UBR2: variants seen among roughly 807,000 people sequenced by gnomAD.
UBR2 encodes ubiquitin protein ligase E3 component n-recognin 2.
Under a neutral mutation model 247.9 loss-of-function variants are expected in UBR2, and 92 were observed. The observed-to-expected ratio is 0.37, with a 90% CI of 0.31 to 0.44. The LOEUF is 0.44. UBR2 is among the 20% of genes least tolerant of loss of function. UBR2 has a pLI of 1.00. For synonymous variants in UBR2, 672 were observed against 693.5 expected, an observed-to-expected ratio of 0.97 and a Z score of 0.49; for missense variants, 1,613 against 2,112.6, an observed-to-expected ratio of 0.76 and a Z score of 4.64.
At chr6:42,602,741 T>C (rs1383966685) in intron 4 of UBR2, among the ~76,000 whole-genome samples, 1 of 143,076 alleles carries the variant, frequency 7.0e-6, no homozygotes, top group African/African-American at 2.6e-5. Context: ...GCACTATGTT[T>C]TATTTTTATG....
chr6:42,582,200 G>A (rs921655481), intron 2 of UBR2, among the ~76,000 whole-genome samples: 6 of 149,670 alleles, frequency 4.0e-5, no homozygotes, highest in East Asian at 3.9e-4. Flanking sequence ...GGAGAATGAC[G>A]TGAACCCGGG....
intron 42 of UBR2, 21 bp from the exon 43 acceptor site, chr6:42,683,034 C>T (rs6906859): frequency 0.12 from 184,201 of 1,491,242 alleles, 12,242 homozygotes; most frequent in African/African-American, 0.29. Context: ...TTGTGTTTTT[C>T]CCCCTCTGTT....
In UBR2 at chr6:42,564,496, T is replaced by A. The variant is rs1456136115; in HGVS notation, c.78+99T>A. ...CGTCCTGGAGCAGCCCGACCCAGAC[T>A]TGGGGAAACAGCTGTGCCGGCCCTC... On this transcript the variant is annotated intron_variant, in intron 1 of 46. Transcript: ENST00000372901. The A allele has an allele frequency of 2.9e-6, 4 of 1,364,892 alleles. No homozygotes were observed. The African/African-American group carries it at 5.8e-5, about 20-fold the overall frequency. 84.5% of individuals were successfully genotyped at this position (1,364,892 alleles called of 1,614,324 possible). A position where few individuals can be genotyped will look rare whatever the true frequency, so the allele number is the denominator to read the frequency against.
chr6:42,663,745 G>A (rs1379251651), intron 32 of UBR2, among the ~76,000 whole-genome samples: 1 of 152,132 alleles, frequency 6.6e-6, no homozygotes, highest in Non-Finnish European at 1.5e-5. Flanking sequence ...GAGGGAGATG[G>A]AACAACTCAA....
At chr6:42,634,096 A>G (rs867865691) in intron 13 of UBR2, among the ~76,000 whole-genome samples, 47 of 152,140 alleles carry the variant, frequency 3.1e-4, no homozygotes, top group African/African-American at 7.0e-4. Flanking sequence ...TTTTTTTAAT[A>G]TGCTTTCTTG....
intron 40 of UBR2, 108 bp downstream of exon 40, chr6:42,676,981 T>C (rs1798755692): frequency 1.1e-6 from 1 of 913,636 alleles, no homozygotes; most frequent in Non-Finnish European, 1.7e-6. Context: ...TCTGTTGACA[T>C]GTTTTTAAAA....
At chr6:42,618,305 G>A (rs1794687882) in intron 11 of UBR2, among the ~76,000 whole-genome samples, 2 of 152,188 alleles carry the variant, frequency 1.3e-5, no homozygotes, top group Admixed American at 1.3e-4. Context: ...GAGCAGTTGA[G>A]AAAACCTGGA....
At chr6:42,617,348 G>T (rs760087484) in intron 10 of UBR2, 61 bp from the exon 11 acceptor site, 1 of 1,614,048 alleles carries the variant, frequency 6.2e-7, no homozygotes, top group East Asian at 2.2e-5. Context: ...GGTGAGTAGT[G>T]CTTGCCTTTT....
intron 20 of UBR2, 109 bp from the exon 21 acceptor site, chr6:42,645,357 T>G: frequency 9.5e-7 from 1 of 1,053,776 alleles, no homozygotes; most frequent in East Asian, 2.5e-5. Flanking sequence ...TTCCCATTGC[T>G]CAGACAGACT....
At chr6:42,591,196 G>A (rs188228951) in intron 2 of UBR2, among the ~76,000 whole-genome samples, 557 of 152,300 alleles carry the variant, frequency 3.7e-3, no homozygotes, top group Non-Finnish European at 6.2e-3. Context: ...AGGCTGCAGT[G>A]AGCCATGAGC....
intron 9 of UBR2, among the ~76,000 whole-genome samples, 178 bp downstream of exon 9, chr6:42,615,356 TA>T (rs1794478270): frequency 6.6e-6 from 1 of 152,216 alleles, no homozygotes; most frequent in South Asian, 2.1e-4. Context: ...TGATCCAACT[TA>T]AATGGACTTT....
chr6:42,646,812 T>TAGAGAGAG (rs564000137), intron 21 of UBR2, among the ~76,000 whole-genome samples: 1 of 146,496 alleles, frequency 6.8e-6, no homozygotes. Context: ...TATGTTTATA[T>TAGAGAGAG]ATATATATAG....
chr6:42,606,211 C>T (rs916972898), intron 6 of UBR2, among the ~76,000 whole-genome samples: 6 of 150,748 alleles, frequency 4.0e-5, no homozygotes, highest in African/African-American at 4.9e-5. Flanking sequence ...CCATTGCACT[C>T]GAGCCTGGGC....
intron 11 of UBR2, chr6:42,619,554 G>T: frequency 4.5e-6 from 1 of 220,266 alleles, no homozygotes; most frequent in Non-Finnish European, 8.7e-6. Flanking sequence ...TCTGAGACCA[G>T]CCTGGCCAAC....
intron 5 of UBR2, among the ~76,000 whole-genome samples, chr6:42,604,800 G>C (rs1235951176): frequency 6.6e-6 from 1 of 152,090 alleles, no homozygotes; most frequent in Non-Finnish European, 1.5e-5. Context: ...GCCAAGGCAG[G>C]TAGATCACTT....
chr6:42,598,250 A>G (rs1367521848), intron 4 of UBR2, among the ~76,000 whole-genome samples: 5 of 152,236 alleles, frequency 3.3e-5, no homozygotes. Flanking sequence ...GTATTTTGTG[A>G]CATGAGAAAA....
intron 5 of UBR2, 142 bp downstream of exon 5, chr6:42,603,860 C>A: frequency 3.4e-6 from 3 of 879,126 alleles, no homozygotes; most frequent in South Asian, 2.0e-5. Context: ...AAAACGTGAT[C>A]CATTTAATTG....
At position 42,674,704 on chromosome 6, in the gene UBR2, GTGACCAAGATTGCA is replaced by G. The variant is rs547330920; in HGVS notation, c.4251+516_4251+529del. On this transcript the variant is annotated intron_variant, in intron 38 of 46. Coordinates refer to ENST00000372901, the MANE Select transcript of UBR2 (RefSeq NM_001363705.2). The stretch of plus-strand genomic sequence containing the variant: ...TTGAACCCAGGAGGCGGAGGTTGCA[GTGACCAAGATTGCA>G]TGACTGCACTCCAGCCTGGATGACA... 9.0e-4 allele frequency among the ~76,000 whole-genome samples: 137 copies of G among 152,030 alleles called. 1 individual carries two copies. Among genetic ancestry groups the G allele is most frequent in the African/African-American group, 3.2e-3 (131 of 41,470 alleles).
At chr6:42,595,935 C>T (rs941900297) in intron 4 of UBR2, among the ~76,000 whole-genome samples, 1 of 151,582 alleles carries the variant, frequency 6.6e-6, no homozygotes, top group Non-Finnish European at 1.5e-5. Context: ...GATTTTTCCA[C>T]TTCTATTGGA....
Sources: gnomAD v4.1 joint callset for allele counts (sites outside exome capture counted in the v4.1 genomes callset) on GRCh38, gnomAD v4.1.1 for gene constraint, MANE v1.5 for transcripts, NCBI Gene and HGNC (gene_info 2026-07-23, HGNC 2026-07-21) for gene names.